Variants in ANO4 observed in about 807,000 individuals in gnomAD.
ANO4 encodes the protein anoctamin-4.
ANO4 carries 69 observed loss-of-function variants against 141.9 expected under a neutral mutation model. The observed-to-expected ratio is 0.49, with a 90% CI of 0.40 to 0.59. ANO4 has a LOEUF of 0.59. ANO4 is among the 20% of genes least tolerant of loss of function. ANO4 has a pLI of 0.00. For missense variants in ANO4, 894 were observed against 1,162.2 expected (o/e 0.77, Z 3.36); for synonymous variants, 350 against 394.3 (o/e 0.89, Z 1.33).
At chr12:100,757,647 A>G (rs1039713977) in intron 3 of ANO4, among the ~76,000 whole-genome samples, 6 of 152,200 alleles carry the variant, frequency 3.9e-5, no homozygotes, top group Non-Finnish European at 8.8e-5. Flanking sequence ...CACTGAGTCC[A>G]CTTGCTCCGT....
In ANO4 at chr12:101,111,658, G is replaced by T. The variant is rs1439484112; in HGVS notation, c.2398G>T (p.Val800Leu). The change falls in exon 24 of 28, where the codon GTG becomes TTG. Residue 800 changes from valine to leucine, a missense_variant. By Grantham distance (32) the Val-to-Leu change is conservative. Coordinates refer to ENST00000392977, the MANE Select transcript of ANO4 (RefSeq NM_001286615.2). ...AACATCTGACTTTATCCCTCGCTTG[G>T]TGTATGCTTATAAGTATGGACCTTG... ...AITSDFIPRL[V>L]YAYKYGPCAG... is the part of the protein sequence containing the mutation. The T allele has an allele frequency of 1.9e-6, 3 of 1,613,178 alleles. No individual in the cohort carries two copies. The highest frequency in any genetic ancestry group is 2.5e-6 in the Non-Finnish European group (3 of 1,179,592).
At chr12:101,017,883 AG>A (rs2046376477) in intron 8 of ANO4, among the ~76,000 whole-genome samples, 1 of 152,236 alleles carries the variant, frequency 6.6e-6, no homozygotes, top group Non-Finnish European at 1.5e-5. Flanking sequence ...CAGAACCTCC[AG>A]GCTCCAGGTA....
chr12:100,983,277 GA>G (rs1212522425), intron 7 of ANO4, among the ~76,000 whole-genome samples: 1 of 152,222 alleles, frequency 6.6e-6, no homozygotes, highest in African/African-American at 2.4e-5. Context: ...GTCTTGAGGA[GA>G]GGATCAGACC....
chr12:100,982,069 C>T (rs2044492229), intron 7 of ANO4, among the ~76,000 whole-genome samples: 4 of 152,168 alleles, frequency 2.6e-5, no homozygotes, highest in Admixed American at 2.6e-4. Context: ...TGAAGGAAAC[C>T]TGAGCTTACC....
Position 101,086,738 on chromosome 12 carries a change from T to C in ANO4, c.1615T>C (p.Trp539Arg). 6.2e-7 allele frequency: 1 copy of C among 1,613,796 alleles called. No individual in the cohort carries two copies. The highest frequency in any genetic ancestry group is 8.5e-7 in the Non-Finnish European group (1 of 1,179,820). Reference protein sequence around the residue: ...VTVSTFAAFKWALIRNNSQVA... With the variant: ...VTVSTFAAFKRALIRNNSQVA... ...TGTCAGCACTTTCGCTGCCTTTAAG[T>C]GGGCGTTAATCAGGAATAACTCTCA... Residue 539 changes from tryptophan to arginine, a missense_variant, in exon 17 of 28, where the codon TGG (tryptophan) becomes CGG (arginine). This residue lies in a region of ANO4 where 637 missense variants were observed against 909.2 expected (regional missense o/e 0.70). Transcript: ENST00000392977.
At chr12:100,992,634 A>G (rs2045191798) in intron 8 of ANO4, among the ~76,000 whole-genome samples, 1 of 152,144 alleles carries the variant, frequency 6.6e-6, no homozygotes, top group Admixed American at 6.6e-5. Flanking sequence ...TTGAAATGCT[A>G]TAATTATTTG....
chr12:100,808,810 C>T (rs148425851), intron 1 of ANO4, among the ~76,000 whole-genome samples: 68 of 152,196 alleles, frequency 4.5e-4, no homozygotes, highest in Non-Finnish European at 8.2e-4. Flanking sequence ...CCCTATATTT[C>T]GAATTGTTGA....
At chr12:100,909,021 G>A (rs1027293958) in intron 2 of ANO4, among the ~76,000 whole-genome samples, 2 of 152,164 alleles carry the variant, frequency 1.3e-5, no homozygotes, top group Non-Finnish European at 2.9e-5. Context: ...AAGGCACTCA[G>A]TCATGTCCAA....
chr12:101,082,391 C>G (rs1271370787), intron 15 of ANO4, among the ~76,000 whole-genome samples: 2 of 152,132 alleles, frequency 1.3e-5, no homozygotes, highest in Non-Finnish European at 2.9e-5. Context: ...TTCTTCATAG[C>G]AGTATGAAAA....
rs530272531 is a variant in ANO4 at position 100,746,357 on chromosome 12, G to A, written c.358+6252G>A. On this transcript the variant is annotated intron_variant, in intron 3 of 29. Transcript: ENST00000644049. ...AATCCTAGCTCTTTGGGAAATTGAG[G>A]CATAAGAATTGCTTGAACCCGGCAG... Among the ~76,000 whole-genome samples the A allele has an allele frequency of 1.3e-4, 19 of 151,868 alleles. No individual in the cohort carries two copies. The East Asian group carries it at 3.5e-3, about 28-fold the overall frequency.
intron 5 of ANO4, among the ~76,000 whole-genome samples, chr12:100,950,228 GAAAA>G (rs904060563): frequency 6.7e-6 from 1 of 150,132 alleles, no homozygotes; most frequent in Non-Finnish European, 1.5e-5. Flanking sequence ...GGTCAGAAAA[GAAAA>G]AAAAAGAAAA....
At chr12:101,075,087 C>T (rs1566210920) in intron 14 of ANO4, among the ~76,000 whole-genome samples, 1 of 151,996 alleles carries the variant, frequency 6.6e-6, no homozygotes, top group East Asian at 1.9e-4. Context: ...CATGGGTGCA[C>T]AGGGATGATT....
At chr12:101,026,911 T>C (rs1311816892) in intron 9 of ANO4, among the ~76,000 whole-genome samples, 1 of 152,096 alleles carries the variant, frequency 6.6e-6, no homozygotes, top group Non-Finnish European at 1.5e-5. Flanking sequence ...CCTTTTCAAA[T>C]GATGTTTTCA....
intron 22 of ANO4, 102 bp from the exon 23 acceptor site, chr12:101,110,302 A>G (rs1161145306): frequency 1.1e-5 from 14 of 1,264,048 alleles, no homozygotes; most frequent in African/African-American, 6.1e-5. Context: ...CTGTATTGGG[A>G]AAAATGGGAC....
At chr12:100,743,584 G>A (rs2031968488) in intron 3 of ANO4, among the ~76,000 whole-genome samples, 1 of 151,820 alleles carries the variant, frequency 6.6e-6, no homozygotes, top group Non-Finnish European at 1.5e-5. Flanking sequence ...AAGAATTCTG[G>A]TTAAATCAAG....
chr12:100,857,565 A>G (rs1445047440), intron 1 of ANO4, among the ~76,000 whole-genome samples: 2 of 151,876 alleles, frequency 1.3e-5, no homozygotes, highest in African/African-American at 4.8e-5. Flanking sequence ...TCATTTATAA[A>G]CTCCAGGCCA....
chr12:101,040,578 A>G (rs547031966), intron 11 of ANO4, among the ~76,000 whole-genome samples: 1 of 152,136 alleles, frequency 6.6e-6, no homozygotes, highest in Non-Finnish European at 1.5e-5. Context: ...CTTTTAACCT[A>G]TGATAATTGT....
At chr12:100,926,553 T>A (rs920740004) in intron 3 of ANO4, among the ~76,000 whole-genome samples, 3 of 152,010 alleles carry the variant, frequency 2.0e-5, no homozygotes, top group Admixed American at 2.0e-4. Context: ...ACAACTTGAT[T>A]GCTTTTTAGG....
chr12:100,717,495 CCTG>C, upstream of ANO4: 1 of 398,862 alleles, frequency 2.5e-6, no homozygotes, highest in Non-Finnish European at 4.4e-6. Flanking sequence ...TAGCCGACGC[CCTG>C]GCCAGTCTGG....
Sources: allele counts gnomAD v4.1 joint callset (sites outside exome capture counted in the v4.1 genomes callset), GRCh38; gene constraint gnomAD v4.1.1; regional missense constraint gnomAD v4.1.1; transcripts MANE v1.5; gene names NCBI Gene and HGNC (gene_info 2026-07-23, HGNC 2026-07-21).